GRIN3A: variants seen among roughly 807,000 people sequenced by gnomAD.
The protein encoded by GRIN3A is glutamate receptor ionotropic, NMDA 3A.
A neutral mutation model predicts 92.4 loss-of-function variants in GRIN3A; 47 were observed. That is an observed-to-expected ratio of 0.51 (90% CI 0.40 to 0.65). GRIN3A has a LOEUF of 0.65. Among genes scored for constraint, GRIN3A ranks in the 30% least tolerant of loss-of-function variants. GRIN3A has a pLI of 0.00. For missense variants in GRIN3A, 1,324 were observed against 1,393.1 expected, an observed-to-expected ratio of 0.95 and a Z score of 0.79; for synonymous variants, 527 against 540.6, an observed-to-expected ratio of 0.97 and a Z score of 0.35.
intron 3 of GRIN3A, among the ~76,000 whole-genome samples, chr9:101,653,903 C>A (rs148101028): frequency 6.6e-6 from 1 of 151,628 alleles, no homozygotes; most frequent in African/African-American, 2.4e-5. Context: ...ATTGTATTAT[C>A]GCTGAAAATA....
At chr9:101,658,752 G>GTCTGTCTATCTATCTATCTATCTA (rs1476543672) in intron 3 of GRIN3A, among the ~76,000 whole-genome samples, 2 of 139,120 alleles carry the variant, frequency 1.4e-5, no homozygotes, top group African/African-American at 5.4e-5. Context: ...CTATCTATCT[G>GTCTGTCTATCTATCTATCTATCTA]TCTATCTGTC....
chr9:101,691,663 T>C (rs1353083742), intron 1 of GRIN3A, among the ~76,000 whole-genome samples: 1 of 152,174 alleles, frequency 6.6e-6, no homozygotes, highest in Non-Finnish European at 1.5e-5. Context: ...ACCATCTGCT[T>C]CTATATTTCC....
intron 1 of GRIN3A, among the ~76,000 whole-genome samples, chr9:101,732,816 A>G (rs1388628559): frequency 2.0e-5 from 3 of 152,186 alleles, no homozygotes; most frequent in Non-Finnish European, 4.4e-5. Flanking sequence ...GATTCACAAC[A>G]TCTTTGTCAG....
chr9:101,575,027 C>G (rs1214081530), intron 8 of GRIN3A, among the ~76,000 whole-genome samples: 1 of 152,224 alleles, frequency 6.6e-6, no homozygotes, highest in Non-Finnish European at 1.5e-5. Flanking sequence ...GCAAACTGCA[C>G]AGTTGATCCA....
chr9:101,589,145 A>AT (rs1055447199), intron 6 of GRIN3A, among the ~76,000 whole-genome samples: 1 of 151,750 alleles, frequency 6.6e-6, no homozygotes, highest in South Asian at 2.1e-4. Context: ...TGATTTTTGT[A>AT]TTTTTTTAAT....
Position 101,623,327 on chromosome 9 carries a change from C to A in GRIN3A, c.2605G>T (p.Ala869Ser). The A allele has an allele frequency of 6.2e-7, 1 of 1,606,942 alleles. No individual in the cohort carries two copies. The highest frequency in any genetic ancestry group is 1.1e-5 in the South Asian group (1 of 90,934). The change falls in exon 5 of 9, where the codon GCC becomes TCC. Residue 869 changes from alanine (A) to serine (S), a missense_variant. Coordinates refer to ENST00000361820, the MANE Select transcript of GRIN3A (RefSeq NM_133445.3). ...AGTGACTGATTAATACCTTCTATGG[C>A]AAATGGCTTCCCCACAGTGAGAAGT... Reference protein sequence around the residue: ...CKLLTVGKPFAIEGYGIGLPP... With the variant: ...CKLLTVGKPFSIEGYGIGLPP...
At chr9:101,667,011 T>G (rs1829246788) in intron 3 of GRIN3A, among the ~76,000 whole-genome samples, 1 of 152,036 alleles carries the variant, frequency 6.6e-6, no homozygotes, top group South Asian at 2.1e-4. Flanking sequence ...GGATCTATAT[T>G]GAAGTTCACT....
At chr9:101,664,431 T>G (rs1466675106) in intron 3 of GRIN3A, among the ~76,000 whole-genome samples, 1 of 151,964 alleles carries the variant, frequency 6.6e-6, no homozygotes, top group East Asian at 1.9e-4. Context: ...CCAGATGAGT[T>G]GGTAGGAGGC....
chr9:101,630,714 G>A (rs760398886), intron 3 of GRIN3A, among the ~76,000 whole-genome samples: 9 of 152,174 alleles, frequency 5.9e-5, no homozygotes, highest in Non-Finnish European at 8.8e-5. Context: ...TTACAAGATA[G>A]ATGTTATTTT....
intron 1 of GRIN3A, among the ~76,000 whole-genome samples, chr9:101,705,424 C>T (rs1285487892): frequency 2.0e-5 from 3 of 152,168 alleles, no homozygotes; most frequent in Non-Finnish European, 2.9e-5. Context: ...AGCTCCCCAT[C>T]CCGCTGAAAG....
chr9:101,725,230 T>A (rs1321446832), intron 1 of GRIN3A, among the ~76,000 whole-genome samples: 2 of 152,226 alleles, frequency 1.3e-5, no homozygotes, highest in African/African-American at 2.4e-5. Flanking sequence ...GCTCAGGGCA[T>A]TATATTTGAT....
At chr9:101,737,103 A>G (rs1400822007) in intron 1 of GRIN3A, among the ~76,000 whole-genome samples, 178 bp downstream of exon 1, 2 of 151,994 alleles carry the variant, frequency 1.3e-5, no homozygotes, top group African/African-American at 4.8e-5. Flanking sequence ...ATTTTATTCT[A>G]CTTCTACTAA....
chr9:101,680,729 C>G (rs1829457045), intron 2 of GRIN3A, among the ~76,000 whole-genome samples: 1 of 152,172 alleles, frequency 6.6e-6, no homozygotes, highest in Admixed American at 6.5e-5. Flanking sequence ...GACAGCACGG[C>G]CTCTTACCTT....
At chr9:101,593,874 G>A (rs1828068753) in intron 6 of GRIN3A, 1 of 153,126 alleles carries the variant, frequency 6.5e-6, no homozygotes, top group African/African-American at 2.4e-5. Flanking sequence ...GCTGCAATCT[G>A]CCGAAGGAAA....
chr9:101,684,073 T>C (rs890394690), intron 2 of GRIN3A, among the ~76,000 whole-genome samples: 5 of 142,144 alleles, frequency 3.5e-5, no homozygotes, highest in African/African-American at 1.3e-4. Flanking sequence ...TCCCTCCCCC[T>C]TCCTTTCCTT....
intron 1 of GRIN3A, among the ~76,000 whole-genome samples, chr9:101,710,078 G>A (rs1240146322): frequency 2.6e-5 from 4 of 152,032 alleles, no homozygotes; most frequent in Admixed American, 6.6e-5. Flanking sequence ...GTGATTTTGG[G>A]GTCCGGGAGA....
At chr9:101,708,353 C>T (rs1055927864) in intron 1 of GRIN3A, among the ~76,000 whole-genome samples, 1 of 152,060 alleles carries the variant, frequency 6.6e-6, no homozygotes, top group African/African-American at 2.4e-5. Context: ...TTTTATGTAT[C>T]TTTTTGAATA....
chr9:101,616,767 G>A (rs1227547715), intron 5 of GRIN3A, among the ~76,000 whole-genome samples: 1 of 145,828 alleles, frequency 6.9e-6, no homozygotes, highest in Non-Finnish European at 1.5e-5. Flanking sequence ...GGGAGGGATA[G>A]CATTGGGAGA....
At chr9:101,681,478 T>C (rs1829465116) in intron 2 of GRIN3A, among the ~76,000 whole-genome samples, 1 of 152,234 alleles carries the variant, frequency 6.6e-6, no homozygotes, top group South Asian at 2.1e-4. Context: ...CAGAATCATC[T>C]CAAATCCTTT....
Sources: allele counts gnomAD v4.1 joint callset (sites outside exome capture counted in the v4.1 genomes callset), GRCh38; gene constraint gnomAD v4.1.1; transcripts MANE v1.5; gene names NCBI Gene and HGNC (gene_info 2026-07-23, HGNC 2026-07-21).